Variants in CTRC observed in about 807,000 individuals in gnomAD.
CTRC encodes chymotrypsin-C.
CTRC carries 32 observed loss-of-function variants against 35.7 expected under a neutral mutation model. The observed-to-expected ratio is 0.90, with a 90% CI of 0.68 to 1.20. The LOEUF is 1.20. Among genes scored for constraint, CTRC ranks in the 50% most tolerant of loss-of-function variants. CTRC has a pLI of 0.00. For synonymous variants in CTRC, 119 were observed against 149.5 expected, an observed-to-expected ratio of 0.80 and a Z score of 1.49; for missense variants, 324 against 361.5, an observed-to-expected ratio of 0.90 and a Z score of 0.84.
intron 6 of CTRC, among the ~76,000 whole-genome samples, chr1:15,445,225 C>G (rs72865141): frequency 0.016 from 2,426 of 152,286 alleles, 79 homozygotes; most frequent in African/African-American, 0.056. Flanking sequence ...CCCATTCTCA[C>G]CCTCCTTCCT....
chr1:15,440,234 T>TTCCCCCTGGGCTA, intron 1 of CTRC, 66 bp from the exon 2 acceptor site: 1 of 309,300 alleles, frequency 3.2e-6, no homozygotes, highest in Non-Finnish European at 6.7e-6. Flanking sequence ...CTGCCCACCC[T>TTCCCCCTGGGCTA]CCCACCCCTT....
chr1:15,447,285 C>G lies in CTRC; in HGVS notation c.*696C>G, dbSNP rs925409365. 1 of 158,576 alleles carries G rather than the reference C, an allele frequency of 6.3e-6. No individual in the cohort carries two copies. The highest frequency in any genetic ancestry group is 1.9e-4 in the East Asian group (1 of 5,294). 9.8% of individuals were successfully genotyped at this position (158,576 alleles called of 1,614,324 possible). On this transcript the variant is annotated 3_prime_UTR_variant, in exon 8 of 8. Coordinates refer to ENST00000375949, the MANE Select transcript of CTRC (RefSeq NM_007272.3). ...TGAGGGTACAGGAAGAGGAAGAGAC[C>G]CCAGCATCATCCTCAGGAGACATAC...
At chr1:15,441,283 C>T (rs1708128507) in intron 3 of CTRC, among the ~76,000 whole-genome samples, 1 of 151,982 alleles carries the variant, frequency 6.6e-6, no homozygotes, top group African/African-American at 2.4e-5. Flanking sequence ...GGATATTTGG[C>T]AAATATTTGG....
intron 1 of CTRC, 74 bp from the exon 2 acceptor site, chr1:15,440,226 G>GGGC: frequency 5.7e-6 from 3 of 523,578 alleles, no homozygotes; most frequent in Admixed American, 2.7e-5. Flanking sequence ...TCTTCCACCT[G>GGGC]CCCACCCTCC....
intron 5 of CTRC, among the ~76,000 whole-genome samples, 164 bp from the exon 6 acceptor site, chr1:15,444,442 G>T (rs571447280): frequency 6.6e-6 from 1 of 151,390 alleles, no homozygotes; most frequent in Non-Finnish European, 1.5e-5. Flanking sequence ...GACCCTCTGG[G>T]ACCTTGGCTT....
rs1290349619 is a variant in CTRC, at chr1:15,444,632, C to T, written c.520C>T (p.Gln174Ter). ...WTNGPIADKL[Q>*]QGLQPVVDHA... is the part of the protein sequence containing the mutation. ...CAACGGCCCCATTGCTGATAAGCTG[C>T]AGCAGGGCCTGCAGCCCGTGGTGGA... Residue 174 changes from glutamine (Q) to a stop codon, truncating the protein, a stop_gained, in exon 6 of 8, where the codon CAG becomes TAG. Transcript: ENST00000375949. LOFTEE classifies it high-confidence loss of function. 1 of 1,614,232 alleles carries T rather than the reference C, an allele frequency of 6.2e-7. No homozygotes were observed. The highest frequency in any genetic ancestry group is 8.5e-7 in the Non-Finnish European group (1 of 1,180,042).
rs1421655402 is a variant in CTRC, at chr1:15,440,365, G to T, written c.106G>T (p.Ala36Ser). The change falls in exon 2 of 8, where the codon GCC becomes TCC. Residue 36 changes from alanine to serine, a missense_variant. By Grantham distance (99) the Ala-to-Ser change is moderately conservative. Coordinates refer to ENST00000375949, the MANE Select transcript of CTRC (RefSeq NM_007272.3). ...LSARVVGGED[A>S]RPHSWPWQIS... is the part of the protein sequence containing the mutation. The stretch of plus-strand genomic sequence containing the variant: ...CGCCCGAGTGGTGGGAGGAGAGGAT[G>T]CCCGGCCCCACAGCTGGCCCTGGCA... The T allele has an allele frequency of 1.9e-6, 3 of 1,612,284 alleles. No homozygotes were observed. In the South Asian group the frequency reaches 3.3e-5, roughly 18 times the overall value.
intron 1 of CTRC, 108 bp from the exon 2 acceptor site, chr1:15,440,192 T>A: frequency 9.8e-7 from 1 of 1,017,242 alleles, no homozygotes; most frequent in South Asian, 1.4e-5. Context: ...CAACCCCGTG[T>A]CTGCCCAGCC....
rs183053579 is a variant in CTRC, at chr1:15,445,585, G to T, written c.640-12G>T. 6 of 1,613,398 alleles carry T rather than the reference G, an allele frequency of 3.7e-6. No homozygotes were observed. The highest frequency in any genetic ancestry group is 4.5e-5 in the East Asian group (2 of 44,886). On this transcript the variant is annotated splice_polypyrimidine_tract_variant and intron_variant, in intron 6 of 7. Transcript: ENST00000375949. ...GGGGCCTGGTGGCTTATGCCCTCCC[G>T]GTCTGGTGCAGGGGGACTCCGGTGG...
chr1:15,443,531 G>A lies in CTRC; in HGVS notation c.469G>A (p.Val157Ile). The A allele has an allele frequency of 6.2e-7, 1 of 1,614,246 alleles. No homozygotes were observed. Among genetic ancestry groups the A allele is most frequent in the South Asian group, 1.1e-5 (1 of 91,090 alleles). Residue 157 changes from valine to isoleucine, a missense_variant, in exon 5 of 8, where the codon GTC (valine) becomes ATC (isoleucine). Val to Ile is a conservative substitution (Grantham distance 29, BLOSUM62 3). Coordinates refer to ENST00000375949, the MANE Select transcript of CTRC (RefSeq NM_007272.3). ...SLLPKDYPCY[V>I]TGWGRLWTNG... ...GCTCCCCAAGGACTACCCCTGCTAT[G>A]TCACCGGCTGGGGCCGCCTCTGGAG...
In CTRC at chr1:15,440,407, G is replaced by T. The variant is rs762121956; in HGVS notation, c.132+16G>T. ...GCCCTGGCAGGTAAGCCTGTGTAGG[G>T]CTGGGAGGTACAGATAGAGAGGGTG... is the stretch of plus-strand genomic sequence containing the variant. On this transcript the variant is annotated intron_variant, in intron 2 of 7. Transcript: ENST00000375949. 4 of 1,612,428 alleles carry T rather than the reference G, an allele frequency of 2.5e-6. No individual in the cohort carries two copies. Among genetic ancestry groups the T allele is most frequent in the African/African-American group, 1.3e-5 (1 of 75,012 alleles).
intron 1 of CTRC, 74 bp from the exon 2 acceptor site, chr1:15,440,226 G>GGCCCCCCCCCCC: frequency 1.5e-5 from 8 of 523,570 alleles, no homozygotes; most frequent in African/African-American, 4.0e-5. Flanking sequence ...TCTTCCACCT[G>GGCCCCCCCCCCC]CCCACCCTCC....
chr1:15,445,869 TG>T (rs1708211192), intron 7 of CTRC, 120 bp downstream of exon 7: 1 of 1,224,990 alleles, frequency 8.2e-7, no homozygotes, highest in African/African-American at 1.5e-5. Context: ...CACTCATTCA[TG>T]CATTTATTCA....
In CTRC at chr1:15,447,190, G is replaced by A. The variant is rs1402227331; in HGVS notation, c.*601G>A. On this transcript the variant is annotated 3_prime_UTR_variant, in exon 8 of 8. Transcript: ENST00000375949. The stretch of plus-strand genomic sequence containing the variant: ...CAGCACAGACCCCATGGCTGCTGTT[G>A]GCAGGGGCTCTCTGCTTTGAGAAGT... 2 of 182,364 alleles carry A rather than the reference G, an allele frequency of 1.1e-5. No individual in the cohort carries two copies. Among genetic ancestry groups the A allele is most frequent in the African/African-American group, 4.8e-5 (2 of 41,974 alleles). The allele number at this position is 182,364 out of a possible 1,614,324, so 11.3% of individuals were successfully genotyped here.
intron 5 of CTRC, 104 bp from the exon 6 acceptor site, chr1:15,444,502 G>A (rs1361274316): frequency 3.0e-5 from 42 of 1,417,842 alleles, no homozygotes; most frequent in South Asian, 4.7e-5. Flanking sequence ...CTCAGCCGGC[G>A]CTCCCCTGGG....
chr1:15,439,379 C>T (rs569872282), intron 1 of CTRC, among the ~76,000 whole-genome samples: 20 of 148,880 alleles, frequency 1.3e-4, no homozygotes, highest in South Asian at 6.4e-4. Flanking sequence ...GCCGAGATCG[C>T]GCCATCAAAC....
chr1:15,438,741 G>A (rs923803443), intron 1 of CTRC, among the ~76,000 whole-genome samples: 5 of 152,188 alleles, frequency 3.3e-5, no homozygotes, highest in Admixed American at 2.6e-4. Flanking sequence ...AGTTAGAAAT[G>A]AGGTGTGGAA....
intron 7 of CTRC, 132 bp downstream of exon 7, chr1:15,445,881 CTCATTCATGCAT>C: frequency 9.4e-7 from 1 of 1,062,964 alleles, no homozygotes; most frequent in Non-Finnish European, 1.4e-6. Flanking sequence ...CATTTATTCA[CTCATTCATGCAT>C]TCATTCATTT....
intron 3 of CTRC, 89 bp downstream of exon 3, chr1:15,440,679 C>A: frequency 8.7e-7 from 1 of 1,152,096 alleles, no homozygotes; most frequent in African/African-American, 1.5e-5. Flanking sequence ...CTCCGCACTC[C>A]AGGCACTGGG....
Sources: gnomAD v4.1 joint callset for allele counts (sites outside exome capture counted in the v4.1 genomes callset) on GRCh38, gnomAD v4.1.1 for gene constraint, MANE v1.5 for transcripts, NCBI Gene and HGNC (gene_info 2026-07-23, HGNC 2026-07-21) for gene names.